NAALADL2: variants seen among roughly 807,000 people sequenced by gnomAD.
NAALADL2 encodes inactive N-acetylated-alpha-linked acidic dipeptidase-like protein 2.
A neutral mutation model predicts 87.2 loss-of-function variants in NAALADL2; 76 were observed. That is an observed-to-expected ratio of 0.87 (90% CI 0.72 to 1.05). The LOEUF (loss-of-function observed/expected upper bound fraction) is 1.05, where lower values mean the gene tolerates loss of function less well. NAALADL2 is among the 50% of genes least tolerant of loss of function. The probability of loss-of-function intolerance (pLI) is 0.00; values close to 1 mark genes in which losing one functional copy is unlikely to be tolerated. For missense variants in NAALADL2, 1,089 were observed against 945.8 expected, an observed-to-expected ratio of 1.15 and a Z score of -1.99; for synonymous variants, 354 against 331.0, an observed-to-expected ratio of 1.07 and a Z score of -0.75.
intron 12 of NAALADL2, among the ~76,000 whole-genome samples, chr3:175,739,878 TATTA>T (rs1337745803): frequency 6.6e-6 from 1 of 152,160 alleles, no homozygotes; most frequent in Non-Finnish European, 1.5e-5. Context: ...AATGCCATAA[TATTA>T]ATTACTTTGA....
At chr3:175,777,838 AAATGTAGAACTTTTTCTC>A (rs1387108225) in intron 13 of NAALADL2, among the ~76,000 whole-genome samples, 1 of 152,148 alleles carries the variant, frequency 6.6e-6, no homozygotes, top group Admixed American at 6.6e-5. Context: ...CCAAGTCAGA[AAATGTAGAACTTTTTCTC>A]AATGTGGAAC....
At chr3:174,470,450 TG>T (rs1270432074) in intron 1 of NAALADL2, among the ~76,000 whole-genome samples, 1 of 152,212 alleles carries the variant, frequency 6.6e-6, no homozygotes, top group Non-Finnish European at 1.5e-5. Context: ...TTCTGTAGGT[TG>T]TCTGTTTACT....
In NAALADL2 at chr3:174,624,585, C is replaced by G. The variant is rs558214475; in HGVS notation, c.-115+73948C>G. ...GTTGCAGTGAGCTGAGGTCACACCACTGCACTCCAGCCTGGGCGACAGAGC... is the reference window on the plus strand; with the variant it reads ...GTTGCAGTGAGCTGAGGTCACACCAGTGCACTCCAGCCTGGGCGACAGAGC... On this transcript the variant is annotated intron_variant, in intron 2 of 3. Coordinates refer to the NAALADL2 transcript ENST00000434257. Among the ~76,000 whole-genome samples the G allele has an allele frequency of 9.5e-4, 143 of 150,374 alleles. 3 individuals are homozygous for G. The South Asian group carries it at 0.029, about 30-fold the overall frequency.
At chr3:174,771,263 G>C (rs1004098872) in intron 3 of NAALADL2, among the ~76,000 whole-genome samples, 2 of 152,142 alleles carry the variant, frequency 1.3e-5, no homozygotes, top group African/African-American at 4.8e-5. Context: ...ACAAAATTCA[G>C]AGTAAAATCA....
chr3:174,772,837 A>G (rs968449496), intron 3 of NAALADL2, among the ~76,000 whole-genome samples: 8 of 152,310 alleles, frequency 5.3e-5, no homozygotes, highest in Admixed American at 3.9e-4. Context: ...AAAGTTCTAA[A>G]GTGCAATCTG....
chr3:175,561,357 A>G lies in NAALADL2; in HGVS notation c.1654-14684A>G, dbSNP rs549387942. Among the ~76,000 whole-genome samples, 3 of 152,330 alleles carry G rather than the reference A, an allele frequency of 2.0e-5. No homozygotes were observed. In the East Asian group the frequency reaches 5.8e-4, roughly 29 times the overall value. ...TGTTCAGGGAATAATGACAAGGAAA[A>G]AAAGTCTGTACATGTAAGTCTGTAC... On this transcript the variant is annotated intron_variant, in intron 9 of 13. Transcript: ENST00000454872.
chr3:174,638,232 C>T (rs1435481482), intron 2 of NAALADL2, among the ~76,000 whole-genome samples: 1 of 152,130 alleles, frequency 6.6e-6, no homozygotes, highest in Non-Finnish European at 1.5e-5. Flanking sequence ...GGCCTTCATT[C>T]AGTAGGTAAT....
intron 9 of NAALADL2, among the ~76,000 whole-genome samples, chr3:175,494,713 A>C (rs1728570834): frequency 6.6e-6 from 1 of 152,098 alleles, no homozygotes; most frequent in Non-Finnish European, 1.5e-5. Flanking sequence ...ACACGTCTTT[A>C]AATACTATGG....
intron 5 of NAALADL2, among the ~76,000 whole-genome samples, chr3:175,373,920 T>C (rs1553876964): frequency 6.6e-6 from 1 of 152,216 alleles, no homozygotes; most frequent in Non-Finnish European, 1.5e-5. Context: ...ATTTTGAGCA[T>C]GTTTTTTATG....
intron 5 of NAALADL2, among the ~76,000 whole-genome samples, chr3:175,436,307 A>G (rs995596359): frequency 6.7e-6 from 1 of 148,998 alleles, no homozygotes; most frequent in African/African-American, 2.5e-5. Context: ...GCCGCAATAA[A>G]CATACGTGTG....
At chr3:175,424,587 G>A (rs1716459111) in intron 5 of NAALADL2, among the ~76,000 whole-genome samples, 3 of 152,042 alleles carry the variant, frequency 2.0e-5, no homozygotes, top group Admixed American at 2.0e-4. Flanking sequence ...TAGATATGCA[G>A]CATTATTTCT....
chr3:174,652,184 T>C (rs1724428925), intron 2 of NAALADL2, among the ~76,000 whole-genome samples: 1 of 152,204 alleles, frequency 6.6e-6, no homozygotes, highest in Admixed American at 6.5e-5. Flanking sequence ...ACAATGGGAA[T>C]TGTGGCCTCT....
At chr3:175,488,120 T>C (rs1295448390) in intron 9 of NAALADL2, among the ~76,000 whole-genome samples, 2 of 152,228 alleles carry the variant, frequency 1.3e-5, no homozygotes, top group African/African-American at 2.4e-5. Flanking sequence ...TTGCCCTTCA[T>C]TGAAATACTT....
intron 3 of NAALADL2, among the ~76,000 whole-genome samples, chr3:174,756,079 CA>C (rs1712026819): frequency 2.0e-5 from 3 of 152,194 alleles, no homozygotes; most frequent in Admixed American, 1.3e-4. Context: ...AGTAGCCATG[CA>C]TTTAGGGGCT....
intron 9 of NAALADL2, among the ~76,000 whole-genome samples, chr3:175,569,327 T>A (rs1300405953): frequency 6.6e-6 from 1 of 152,210 alleles, no homozygotes; most frequent in Non-Finnish European, 1.5e-5. Context: ...TAGTTAGAAA[T>A]TAAAGTTTAA....
At chr3:175,409,810 G>A (rs1713141775) in intron 5 of NAALADL2, among the ~76,000 whole-genome samples, 2 of 151,906 alleles carry the variant, frequency 1.3e-5, no homozygotes, top group African/African-American at 4.8e-5. Flanking sequence ...AAAGAACACT[G>A]ACATAATTAG....
intron 4 of NAALADL2, among the ~76,000 whole-genome samples, chr3:175,260,487 A>T (rs1364265451): frequency 2.6e-5 from 4 of 152,198 alleles, no homozygotes; most frequent in African/African-American, 7.2e-5. Context: ...AGCATGTATT[A>T]AACATAGTTA....
chr3:174,754,995 G>A (rs1711827259), intron 3 of NAALADL2, among the ~76,000 whole-genome samples: 1 of 152,114 alleles, frequency 6.6e-6, no homozygotes, highest in African/African-American at 2.4e-5. Context: ...ATATGGTTAG[G>A]CTTTGTGTCC....
intron 2 of NAALADL2, among the ~76,000 whole-genome samples, chr3:175,136,369 C>T (rs1729116694): frequency 6.6e-6 from 1 of 152,114 alleles, no homozygotes; most frequent in Admixed American, 6.5e-5. Flanking sequence ...GGTCATTGGA[C>T]ATCTCTCAAT....
Sources: gnomAD v4.1 joint callset for allele counts (sites outside exome capture counted in the v4.1 genomes callset) on GRCh38, gnomAD v4.1.1 for gene constraint, MANE v1.5 for transcripts, NCBI Gene and HGNC (gene_info 2026-07-23, HGNC 2026-07-21) for gene names.